VAMP4: variants seen among roughly 807,000 people sequenced by gnomAD.
VAMP4 encodes vesicle associated membrane protein 4, also known as vesicle-associated membrane protein 4.
In VAMP4, 19 loss-of-function variants were observed where a neutral mutation model predicts 23.5. The ratio of observed to expected loss-of-function variants is 0.81; its 90% confidence interval spans 0.56 to 1.19. VAMP4 has a LOEUF of 1.19. Ranked by LOEUF, VAMP4 falls within the 50% of genes most tolerant of loss-of-function variation. The pLI is 0.00. For missense variants in VAMP4, 145 were observed against 168.6 expected (o/e 0.86, Z 0.78); for synonymous variants, 31 against 51.0 (o/e 0.61, Z 1.67).
intron 3 of VAMP4, among the ~76,000 whole-genome samples, chr1:171,724,543 A>G (rs922496992): frequency 3.9e-5 from 6 of 152,192 alleles, no homozygotes; most frequent in Non-Finnish European, 7.3e-5. Context: ...GGACACTGAA[A>G]ACTACAAAAC....
intron 2 of VAMP4, among the ~76,000 whole-genome samples, chr1:171,736,205 T>C (rs1223985020): frequency 4.6e-5 from 7 of 152,166 alleles, no homozygotes; most frequent in Non-Finnish European, 8.8e-5. Flanking sequence ...CTTTTGATAG[T>C]AAATCTTCAG....
Position 171,702,180 on chromosome 1 carries a change from G to C in VAMP4, c.*2326C>G, listed in dbSNP as rs1320637019. The C allele has an allele frequency of 6.6e-6, 1 of 151,986 alleles. No homozygotes were observed. The highest frequency in any genetic ancestry group is 1.5e-5 in the Non-Finnish European group (1 of 67,904). The allele number at this position is 151,986 out of a possible 1,614,324, so 9.4% of individuals were successfully genotyped here. On this transcript the variant is annotated 3_prime_UTR_variant, in exon 8 of 8. Coordinates refer to ENST00000236192, the MANE Select transcript of VAMP4 (RefSeq NM_003762.5). ...TTTTCTTCTGTTTTTGATCGTAAGA[G>C]GGCTTATATCTCCAAGGTTACCACA... is the stretch of plus-strand genomic sequence containing the variant.
At chr1:171,740,536 CTGAG>C (rs1220942039) in intron 1 of VAMP4, among the ~76,000 whole-genome samples, 1 of 152,186 alleles carries the variant, frequency 6.6e-6, no homozygotes, top group Non-Finnish European at 1.5e-5. Context: ...TTCTTGCTGC[CTGAG>C]TAACAGCTCT....
At chr1:171,736,986 A>T (rs1052738436) in intron 2 of VAMP4, among the ~76,000 whole-genome samples, 3 of 152,204 alleles carry the variant, frequency 2.0e-5, no homozygotes, top group Non-Finnish European at 4.4e-5. Flanking sequence ...TCAAAAAATA[A>T]AAACAAACCA....
At chr1:171,716,261 C>T (rs568013056) in intron 4 of VAMP4, among the ~76,000 whole-genome samples, 1 of 152,278 alleles carries the variant, frequency 6.6e-6, no homozygotes, top group Admixed American at 6.5e-5. Context: ...CTACAATTCA[C>T]TACAGTGGCA....
At position 171,703,481 on chromosome 1, in the gene VAMP4, C is replaced by T. The variant is rs1654541847; in HGVS notation, c.*1025G>A. Reference sequence around the variant, plus strand: ...TATATATATATATACACATAGGTTCCTGACTTTCTACTACTCATTACTGTT... The same window carrying T: ...TATATATATATATACACATAGGTTCTTGACTTTCTACTACTCATTACTGTT... On this transcript the variant is annotated 3_prime_UTR_variant, in exon 8 of 8. Coordinates refer to ENST00000236192, the MANE Select transcript of VAMP4 (RefSeq NM_003762.5). The T allele has an allele frequency of 8.5e-6, 1 of 117,906 alleles. No individual in the cohort carries two copies. The highest frequency in any genetic ancestry group is 1.0e-4 in the Admixed American group (1 of 10,038). The allele number at this position is 117,906 out of a possible 1,614,324, so 7.3% of individuals were successfully genotyped here.
intron 1 of VAMP4, among the ~76,000 whole-genome samples, chr1:171,741,065 T>G (rs571332151): frequency 6.7e-4 from 102 of 152,370 alleles, no homozygotes; most frequent in African/African-American, 2.2e-3. Flanking sequence ...TGAATTCAGC[T>G]GTTTGTGACT....
intron 2 of VAMP4, among the ~76,000 whole-genome samples, chr1:171,731,339 C>A (rs1182228779): frequency 6.6e-6 from 1 of 152,070 alleles, no homozygotes; most frequent in African/African-American, 2.4e-5. Flanking sequence ...ATGGGTGCAG[C>A]ACACCAACAT....
In VAMP4 at chr1:171,703,396, T is replaced by TGC. The variant is rs1654516453; in HGVS notation, c.*1109_*1110insGC. On this transcript the variant is annotated 3_prime_UTR_variant, in exon 8 of 8. Coordinates refer to ENST00000236192, the MANE Select transcript of VAMP4 (RefSeq NM_003762.5). ...TGACTGATTATCATATGTGTGCGTG[T>TGC]GTGTGTGTGTGTGTGTGTGTGTTTG... 1 of 98,070 alleles carries TGC rather than the reference T, an allele frequency of 1.0e-5. No homozygotes were observed. The highest frequency in any genetic ancestry group is 2.0e-5 in the Non-Finnish European group (1 of 48,992). 6.1% of individuals were successfully genotyped at this position (98,070 alleles called of 1,614,324 possible).
intron 6 of VAMP4, among the ~76,000 whole-genome samples, chr1:171,707,403 C>CT (rs1454483163): frequency 2.3e-4 from 35 of 152,178 alleles, no homozygotes; most frequent in African/African-American, 7.5e-4. Context: ...CACCAACACC[C>CT]TTAACAAGTT....
At chr1:171,711,255 T>G (rs61078534) in intron 4 of VAMP4, among the ~76,000 whole-genome samples, 12,253 of 152,154 alleles carry the variant, frequency 0.081, 783 homozygotes, top group African/African-American at 0.18. Flanking sequence ...AACATACTTT[T>G]TAACATACCT....
intron 2 of VAMP4, among the ~76,000 whole-genome samples, chr1:171,737,067 G>A (rs1655766152): frequency 6.6e-6 from 1 of 152,186 alleles, no homozygotes; most frequent in African/African-American, 2.4e-5. Flanking sequence ...TTCCTGTGTT[G>A]TACTAAAAGA....
chr1:171,725,968 G>A (rs886519728), intron 3 of VAMP4, among the ~76,000 whole-genome samples: 12 of 151,820 alleles, frequency 7.9e-5, no homozygotes, highest in Admixed American at 1.3e-4. Flanking sequence ...GATTACAGGC[G>A]TGAGCCACTG....
At chr1:171,724,760 A>G (rs1033230476) in intron 3 of VAMP4, among the ~76,000 whole-genome samples, 1 of 152,142 alleles carries the variant, frequency 6.6e-6, no homozygotes, top group African/African-American at 2.4e-5. Context: ...CCAATAGCCA[A>G]AAGAACTTTC....
chr1:171,730,541 T>C (rs540060312), intron 2 of VAMP4, among the ~76,000 whole-genome samples: 2 of 152,242 alleles, frequency 1.3e-5, no homozygotes, highest in South Asian at 4.1e-4. Context: ...TATGCTCATC[T>C]TGATGAGGAG....
At chr1:171,738,047 C>T (rs1376458809) in intron 2 of VAMP4, among the ~76,000 whole-genome samples, 1 of 152,200 alleles carries the variant, frequency 6.6e-6, no homozygotes, top group Non-Finnish European at 1.5e-5. Flanking sequence ...CAGTTCACCA[C>T]AGCCTTCATC....
At chr1:171,718,511 A>G (rs1655091610) in intron 4 of VAMP4, among the ~76,000 whole-genome samples, 1 of 152,118 alleles carries the variant, frequency 6.6e-6, no homozygotes, top group African/African-American at 2.4e-5. Context: ...AGACACATTG[A>G]TTACAGCATA....
At chr1:171,713,900 T>A in intron 4 of VAMP4, among the ~76,000 whole-genome samples, 1 of 152,146 alleles carries the variant, frequency 6.6e-6, no homozygotes, top group Non-Finnish European at 1.5e-5. Context: ...ACAGAACCAA[T>A]AAAATTCTAG....
chr1:171,717,900 T>A (rs561367714), intron 4 of VAMP4, among the ~76,000 whole-genome samples: 131 of 152,256 alleles, frequency 8.6e-4, no homozygotes, highest in African/African-American at 2.9e-3. Flanking sequence ...ACAGATTCTC[T>A]CTTCTACTGG....
Sources: gnomAD v4.1 joint callset for allele counts (sites outside exome capture counted in the v4.1 genomes callset) on GRCh38, gnomAD v4.1.1 for gene constraint, MANE v1.5 for transcripts, NCBI Gene and HGNC (gene_info 2026-07-23, HGNC 2026-07-21) for gene names.